The following KIR3DL3 variants were observed in gnomAD, a reference collection of about 807,000 sequenced individuals.
KIR3DL3 encodes the protein killer cell immunoglobulin like receptor, three Ig domains and long cytoplasmic tail 3, also known as killer cell immunoglobulin-like receptor 3DL3.
In KIR3DL3, 27 loss-of-function variants were observed where a neutral mutation model predicts 34.9. The observed-to-expected ratio is 0.77, with a 90% CI of 0.57 to 1.07. The LOEUF is 1.07. Among genes scored for constraint, KIR3DL3 ranks in the 50% least tolerant of loss-of-function variants. KIR3DL3 has a pLI of 0.00. For synonymous variants in KIR3DL3, 217 were observed against 200.2 expected (o/e 1.08, Z -0.71); for missense variants, 681 against 528.5 (o/e 1.29, Z -2.83).
At chr19:54,735,940 C>T in intron 7 of KIR3DL3, 31 bp from the exon 8 acceptor site, 1 of 1,609,554 alleles carries the variant, frequency 6.2e-7, no homozygotes. Flanking sequence ...ATGTGAGCAC[C>T]CTCCCTCACT....
chr19:54,726,171 AGACGG>A lies in KIR3DL3; in HGVS notation c.192_196del (p.Gly65AlafsTer4). 6.2e-7 allele frequency: 1 copy of A among 1,613,530 alleles called. No homozygotes were observed. Among genetic ancestry groups the A allele is most frequent in the Non-Finnish European group, 8.5e-7 (1 of 1,179,844 alleles). On this transcript the variant is annotated frameshift_variant, in exon 3 of 8. Transcript: ENST00000291860. LOFTEE classifies it high-confidence loss of function. ...TTAATGAATTCAGTCTGTCCAAAGAAGACGGGATGCCTGTCCCTGAGCTCTACAAC... is the reference window on the plus strand; with the variant it reads ...TTAATGAATTCAGTCTGTCCAAAGAAGATGCCTGTCCCTGAGCTCTACAAC...
chr19:54,725,720 G>T (rs1170907123), intron 2 of KIR3DL3, among the ~76,000 whole-genome samples: 28 of 152,248 alleles, frequency 1.8e-4, no homozygotes, highest in African/African-American at 6.3e-4. Flanking sequence ...TGACATTCCA[G>T]ATCTTCTAAT....
At chr19:54,727,139 G>A (rs1212636488) in intron 3 of KIR3DL3, among the ~76,000 whole-genome samples, 1 of 135,304 alleles carries the variant, frequency 7.4e-6, no homozygotes, top group Non-Finnish European at 1.6e-5. Flanking sequence ...TGGAAGCTGG[G>A]GCCATGGAGA....
At chr19:54,728,980 A>G (rs1480859519) in intron 4 of KIR3DL3, among the ~76,000 whole-genome samples, 3 of 128,742 alleles carry the variant, frequency 2.3e-5, no homozygotes, top group Non-Finnish European at 5.4e-5. Flanking sequence ...ATGATATATA[A>G]ATAGATATAG....
chr19:54,729,809 C>T lies in KIR3DL3; in HGVS notation c.949+23C>T, dbSNP rs1489943651. 3.8e-6 allele frequency: 6 copies of T among 1,586,436 alleles called. No individual in the cohort carries two copies. In the African/African-American group the frequency reaches 8.1e-5, roughly 22 times the overall value. ...CAGGTGAGAAAACACCATGCCTGTC[C>T]CATGTCTTGTGATCCTAGAGCCATA... is the stretch of plus-strand genomic sequence containing the variant. On this transcript the variant is annotated intron_variant, in intron 5 of 7. Coordinates refer to ENST00000291860, the MANE Select transcript of KIR3DL3 (RefSeq NM_153443.5).
rs746999263 is a variant in KIR3DL3, at chr19:54,735,369, G to A, written c.1054+12G>A. The A allele has an allele frequency of 8.8e-6, 11 of 1,243,600 alleles. No individual in the cohort carries two copies. Among genetic ancestry groups the A allele is most frequent in the African/African-American group, 1.5e-5 (1 of 65,166 alleles). 77.0% of individuals were successfully genotyped at this position (1,243,600 alleles called of 1,614,324 possible). On this transcript the variant is annotated intron_variant, in intron 6 of 7. Transcript: ENST00000291860. ...TGCCAACAAAAAGAGTAAGTCTCAC[G>A]AAGCAGAAGCCAGAGAGCTCAGGGC...
Position 54,729,549 on chromosome 19 carries a change from G to C in KIR3DL3, c.712G>C (p.Glu238Gln). 1.2e-6 allele frequency: 2 copies of C among 1,607,310 alleles called. No homozygotes were observed. Among genetic ancestry groups the C allele is most frequent in the Non-Finnish European group, 1.7e-6 (2 of 1,178,534 alleles). The change falls in exon 5 of 8, where the codon GAG becomes CAG. Residue 238 changes from glutamate (E) to glutamine (Q), a missense_variant. Transcript: ENST00000291860. ...AQPGPTVQAG[E>Q]NVTLSCSSRS... Reference sequence around the variant, plus strand: ...GCCGGGCCCCACGGTTCAGGCAGGAGAGAATGTGACCTTGTCCTGCAGCTC... The same window carrying C: ...GCCGGGCCCCACGGTTCAGGCAGGACAGAATGTGACCTTGTCCTGCAGCTC...
chr19:54,725,192 T>C (rs1187102280), intron 1 of KIR3DL3, 55 bp from the exon 2 acceptor site: 29 of 1,374,484 alleles, frequency 2.1e-5, no homozygotes, highest in Non-Finnish European at 2.9e-5. Context: ...GGAGTGGAGA[T>C]ATGGGCCTGG....
chr19:54,728,472 A>G (rs1216547822), intron 4 of KIR3DL3, among the ~76,000 whole-genome samples: 7 of 150,286 alleles, frequency 4.7e-5, no homozygotes, highest in Admixed American at 1.3e-4. Flanking sequence ...TGGAGTCCCC[A>G]TACTGGATTC....
chr19:54,736,235 C>G lies in KIR3DL3; in HGVS notation c.*139C>G. ...GTTGCCAGCTCCCATGTACCAGCAG[C>G]TGGACTCTGAAGGCGTGAGTCTGCA... On this transcript the variant is annotated 3_prime_UTR_variant, in exon 8 of 8. Coordinates refer to ENST00000291860, the MANE Select transcript of KIR3DL3 (RefSeq NM_153443.5). The G allele has an allele frequency of 8.6e-7, 1 of 1,169,160 alleles. No homozygotes were observed. The highest frequency in any genetic ancestry group is 1.3e-6 in the Non-Finnish European group (1 of 789,488). 72.4% of individuals were successfully genotyped at this position (1,169,160 alleles called of 1,614,324 possible). A position where few individuals can be genotyped will look rare whatever the true frequency, so the allele number is the denominator to read the frequency against.
chr19:54,734,242 A>C (rs2069172275), intron 5 of KIR3DL3, among the ~76,000 whole-genome samples: 1 of 151,772 alleles, frequency 6.6e-6, no homozygotes, highest in Non-Finnish European at 1.5e-5. Flanking sequence ...CAGTCTTCCC[A>C]GAGAAGATTC....
At chr19:54,732,447 G>A (rs2068919949) in intron 5 of KIR3DL3, among the ~76,000 whole-genome samples, 1 of 151,360 alleles carries the variant, frequency 6.6e-6, no homozygotes, top group East Asian at 1.9e-4. Flanking sequence ...TAGTAGAAAT[G>A]AGGTTTCACC....
At chr19:54,734,374 C>T (rs548712626) in intron 5 of KIR3DL3, among the ~76,000 whole-genome samples, 16 of 150,680 alleles carry the variant, frequency 1.1e-4, no homozygotes, top group South Asian at 2.1e-4. Flanking sequence ...AGATAAGCAG[C>T]GAGTGACAAC....
intron 4 of KIR3DL3, among the ~76,000 whole-genome samples, chr19:54,729,001 A>C (rs1200180872): frequency 5.5e-5 from 3 of 54,634 alleles, no homozygotes; most frequent in African/African-American, 1.5e-4. Flanking sequence ...AGAGATAGAA[A>C]GACAGATAAA....
intron 5 of KIR3DL3, among the ~76,000 whole-genome samples, chr19:54,730,199 G>A (rs1162145854): frequency 6.6e-6 from 1 of 151,558 alleles, no homozygotes; most frequent in African/African-American, 2.4e-5. Context: ...TTATTGAGGT[G>A]AAATATACCT....
rs199955684 is a variant in KIR3DL3 at position 54,736,047 on chromosome 19, C to T, written c.1184C>T (p.Thr395Ile). 713 of 1,613,790 alleles carry T rather than the reference C, an allele frequency of 4.4e-4. 6 individuals carry two copies. In the East Asian group the frequency reaches 0.011, roughly 24 times the overall value. Residue 395 changes from threonine to isoleucine, a missense_variant, in exon 8 of 8, where the codon ACT becomes ATT. Coordinates refer to ENST00000291860, the MANE Select transcript of KIR3DL3 (RefSeq NM_153443.5). ...NHCVFTQRKI[T>I]RPSQRPKTPP... is the part of the protein sequence containing the mutation. The stretch of plus-strand genomic sequence containing the variant: ...TGCGTTTTCACACAGAGAAAAATCA[C>T]TCGCCCTTCTCAGAGGCCCAAGACA...
In KIR3DL3 at chr19:54,727,675, C is replaced by T. The variant is rs2068339528; in HGVS notation, c.420C>T (p.Val140=). 4 of 1,612,236 alleles carry T rather than the reference C, an allele frequency of 2.5e-6. No homozygotes were observed. The highest frequency in any genetic ancestry group is 2.7e-5 in the African/African-American group (2 of 74,556). ...PGPLVKSGET[V]ILQCWSDVRF... Reference sequence around the variant, plus strand: ...CCCTGGTGAAATCAGGAGAGACGGTCATCCTGCAATGTTGGTCAGATGTCA... The same window carrying T: ...CCCTGGTGAAATCAGGAGAGACGGTTATCCTGCAATGTTGGTCAGATGTCA... The change falls in exon 4 of 8, where the codon GTC becomes GTT. Residue 140 remains valine, a synonymous_variant. Transcript: ENST00000291860.
chr19:54,726,658 G>C (rs932991936), intron 3 of KIR3DL3, among the ~76,000 whole-genome samples: 25 of 147,272 alleles, frequency 1.7e-4, no homozygotes, highest in African/African-American at 5.2e-4. Flanking sequence ...TAATCACAAG[G>C]GTCCTCATGA....
intron 5 of KIR3DL3, among the ~76,000 whole-genome samples, chr19:54,734,960 G>T (rs1452755877): frequency 9.9e-3 from 1,143 of 114,946 alleles, no homozygotes; most frequent in South Asian, 0.025. Context: ...GTTCATGATG[G>T]ATCCACCTCC....
Sources: gnomAD v4.1 joint callset for allele counts (sites outside exome capture counted in the v4.1 genomes callset) on GRCh38, gnomAD v4.1.1 for gene constraint, MANE v1.5 for transcripts, NCBI Gene and HGNC (gene_info 2026-07-23, HGNC 2026-07-21) for gene names.